The following ARHGEF10L variants were observed in gnomAD, a reference collection of about 807,000 sequenced individuals.
ARHGEF10L encodes the protein Rho guanine nucleotide exchange factor 10 like, also known as rho guanine nucleotide exchange factor 10-like protein.
In ARHGEF10L, 69 loss-of-function variants were observed where a neutral mutation model predicts 141.2. That is an observed-to-expected ratio of 0.49 (90% CI 0.40 to 0.60). The LOEUF is 0.60. Ranked by LOEUF, ARHGEF10L falls within the 20% of genes least tolerant of loss-of-function variation. The pLI is 0.00. For synonymous variants in ARHGEF10L, 711 were observed against 718.5 expected (o/e 0.99, Z 0.17); for missense variants, 1,482 against 1,734.3 (o/e 0.85, Z 2.58).
intron 10 of ARHGEF10L, among the ~76,000 whole-genome samples, chr1:17,620,850 C>A (rs1570986678): frequency 6.6e-6 from 1 of 152,308 alleles, no homozygotes; most frequent in African/African-American, 2.4e-5. Context: ...ATAGAGCCAC[C>A]TGGGAAGATT....
chr1:17,527,448 G>A, the ARHGEF10L span, among the ~76,000 whole-genome samples: 28 of 152,178 alleles, frequency 1.8e-4, no homozygotes, highest in African/African-American at 6.3e-4. Context: ...AGGCTGGCAC[G>A]GCTCTGTTCC....
At chr1:17,595,448 GT>G (rs2079999337) in intron 4 of ARHGEF10L, among the ~76,000 whole-genome samples, 1 of 152,076 alleles carries the variant, frequency 6.6e-6, no homozygotes, top group South Asian at 2.1e-4. Flanking sequence ...CAGCATGTGT[GT>G]GGGGGGCCAC....
chr1:17,587,721 AG>A, intron 3 of ARHGEF10L, 76 bp downstream of exon 3: 7 of 1,460,020 alleles, frequency 4.8e-6, no homozygotes, highest in Non-Finnish European at 6.4e-6. Context: ...CCAGGCTCTC[AG>A]GGATGCCTGG....
rs1208931597 is a variant in ARHGEF10L at position 17,616,202 on chromosome 1, G to A, written c.835G>A (p.Gly279Ser). Residue 279 changes from glycine (G) to serine (S), a missense_variant and splice_region_variant, in exon 9 of 29, where the codon GGT becomes AGT. Coordinates refer to ENST00000361221, the MANE Select transcript of ARHGEF10L (RefSeq NM_018125.4). ...CTTCCTGCACAGGAAGGACGTCCTC[G>A]GTGAGGCGCTGCCCGAGCGGGAGGG... Reference protein sequence around the residue: ...VSFLHRKDVLGDSEEEDMGLL... With the variant: ...VSFLHRKDVLSDSEEEDMGLL... 4 of 1,612,772 alleles carry A rather than the reference G, an allele frequency of 2.5e-6. No individual in the cohort carries two copies. Among genetic ancestry groups the A allele is most frequent in the Non-Finnish European group, 3.4e-6 (4 of 1,179,472 alleles).
rs954445028 is a variant in ARHGEF10L at position 17,618,154 on chromosome 1, T to C, written c.836-1185T>C. On this transcript the variant is annotated intron_variant, in intron 9 of 28. Coordinates refer to ENST00000361221, the MANE Select transcript of ARHGEF10L (RefSeq NM_018125.4). ...AGGCCAAGTGGCCATTCTAAACTCA[T>C]TGAGATGGTCCGAAGACAGGATAAC... 2.6e-5 allele frequency among the ~76,000 whole-genome samples: 4 copies of C among 152,030 alleles called. No homozygotes were observed. In the East Asian group the frequency reaches 7.7e-4, roughly 29 times the overall value.
At position 17,619,278 on chromosome 1, in the gene ARHGEF10L, G is replaced by T; in HGVS notation, c.836-61G>T. 6.6e-7 allele frequency: 1 copy of T among 1,514,306 alleles called. No individual in the cohort carries two copies. Among genetic ancestry groups the T allele is most frequent in the Non-Finnish European group, 9.1e-7 (1 of 1,100,228 alleles). The allele number at this position is 1,514,306 out of a possible 1,614,324, so 93.8% of individuals were successfully genotyped here. On this transcript the variant is annotated intron_variant, in intron 9 of 28. Coordinates refer to ENST00000361221, the MANE Select transcript of ARHGEF10L (RefSeq NM_018125.4). This position sits in a 1 kb window ranked among gnomAD's most constrained non-coding sequence, Gnocchi z 5.0. Reference sequence around the variant, plus strand: ...GTCTAGGGGGGCTCTCAGCTCCTGAGGCCTGAGCAGGGTGTGCTGTCCCTG... The same window carrying T: ...GTCTAGGGGGGCTCTCAGCTCCTGATGCCTGAGCAGGGTGTGCTGTCCCTG...
intron 25 of ARHGEF10L, among the ~76,000 whole-genome samples, chr1:17,659,776 C>A (rs571622332): frequency 7.9e-4 from 120 of 152,260 alleles, no homozygotes; most frequent in Non-Finnish European, 9.0e-4. Flanking sequence ...CCTGCTAAAA[C>A]TGGCATTCCT....
chr1:17,635,056 G>A (rs766412221), intron 18 of ARHGEF10L, 40 bp downstream of exon 18: 3 of 1,607,056 alleles, frequency 1.9e-6, no homozygotes, highest in Admixed American at 1.7e-5. Context: ...CGTCACCCTC[G>A]CCCTCACCAG....
chr1:17,577,596 G>A (rs2078275314), intron 1 of ARHGEF10L, among the ~76,000 whole-genome samples: 1 of 152,212 alleles, frequency 6.6e-6, no homozygotes. Flanking sequence ...AGGCCTATGG[G>A]TATGGGCAGG....
At chr1:17,581,471 G>A (rs754236353) in intron 2 of ARHGEF10L, among the ~76,000 whole-genome samples, 3 of 152,182 alleles carry the variant, frequency 2.0e-5, no homozygotes, top group African/African-American at 2.4e-5. Context: ...TCCAGGCCCC[G>A]CCTGGGAGGA....
upstream of ARHGEF10L, among the ~76,000 whole-genome samples, chr1:17,538,866 G>T (rs1570335576): frequency 3.9e-5 from 6 of 152,252 alleles, no homozygotes; most frequent in South Asian, 1.2e-3. Flanking sequence ...AAATAGAGGG[G>T]TAGCGGGGGA....
At chr1:17,539,498 C>T (rs967321302), upstream of ARHGEF10L, among the ~76,000 whole-genome samples, 2 of 151,952 alleles carry the variant, frequency 1.3e-5, no homozygotes, top group African/African-American at 2.4e-5. The surrounding 1 kb of genome is among the most constrained non-coding windows in gnomAD (Gnocchi z 6.0). Flanking sequence ...CCCCGCGGGC[C>T]TCAGTTTCCC....
chr1:17,541,024 T>TG (rs1372346427), intron 1 of ARHGEF10L, among the ~76,000 whole-genome samples: 1 of 152,196 alleles, frequency 6.6e-6, no homozygotes, highest in African/African-American at 2.4e-5. Context: ...GACTGTGGGC[T>TG]GGGGACTGCC....
At chr1:17,575,011 C>A (rs1230166604) in intron 1 of ARHGEF10L, among the ~76,000 whole-genome samples, 1 of 152,230 alleles carries the variant, frequency 6.6e-6, no homozygotes, top group East Asian at 1.9e-4. Flanking sequence ...CAGGGATGTC[C>A]CAGCCTCATG....
chr1:17,680,134 C>T (rs895403786), intron 26 of ARHGEF10L, among the ~76,000 whole-genome samples: 15 of 150,966 alleles, frequency 9.9e-5, no homozygotes, highest in African/African-American at 3.6e-4. Context: ...GGGGTTGGTT[C>T]GCTCTCTTTT....
intron 15 of ARHGEF10L, among the ~76,000 whole-genome samples, chr1:17,630,912 T>C (rs116261318): frequency 0.024 from 3,578 of 147,362 alleles, 153 homozygotes; most frequent in African/African-American, 0.086. Context: ...TGGGGATGCC[T>C]GGGGGTGATC....
chr1:17,683,744 C>G (rs2064336912), intron 26 of ARHGEF10L, among the ~76,000 whole-genome samples: 2 of 152,232 alleles, frequency 1.3e-5, no homozygotes, highest in Admixed American at 1.3e-4. Flanking sequence ...CTGCTAAGCC[C>G]TCTGGGCCTG....
chr1:17,539,944 A>G lies in ARHGEF10L; in HGVS notation c.-50A>G, dbSNP rs2076653431. The G allele has an allele frequency of 6.6e-6, 1 of 151,456 alleles. No homozygotes were observed. Among genetic ancestry groups the G allele is most frequent in the Non-Finnish European group, 1.5e-5 (1 of 67,804 alleles). The allele number at this position is 151,456 out of a possible 1,614,324, so 9.4% of individuals were successfully genotyped here. ...GGACGACAAAGGCGCGGGCCCGGGC[A>G]GCCGAGGTGGGTGAGTGAGCGCGGG... On this transcript the variant is annotated 5_prime_UTR_variant, in exon 1 of 29. Coordinates refer to ENST00000361221, the MANE Select transcript of ARHGEF10L (RefSeq NM_018125.4). This position sits in a 1 kb window ranked among gnomAD's most constrained non-coding sequence, Gnocchi z 6.0.
chr1:17,557,842 G>A (rs1348113743), intron 1 of ARHGEF10L, among the ~76,000 whole-genome samples: 1 of 152,164 alleles, frequency 6.6e-6, no homozygotes, highest in African/African-American at 2.4e-5. Flanking sequence ...GCCAGGCTGG[G>A]GAAACACGTA....
Sources: allele counts gnomAD v4.1 joint callset (sites outside exome capture counted in the v4.1 genomes callset), GRCh38; gene constraint gnomAD v4.1.1; non-coding constraint Gnocchi (gnomAD v3.1); transcripts MANE v1.5; gene names NCBI Gene and HGNC (gene_info 2026-07-23, HGNC 2026-07-21).